Variants in TLE4 observed in about 807,000 individuals in gnomAD.
TLE4 encodes transducin-like enhancer protein 4.
A neutral mutation model predicts 92.8 loss-of-function variants in TLE4; 8 were observed. That is an observed-to-expected ratio of 0.09 (90% CI 0.05 to 0.16). TLE4 has a LOEUF of 0.16. TLE4 is among the 10% of genes least tolerant of loss of function. The pLI is 1.00. For missense variants in TLE4, 675 were observed against 997.6 expected (o/e 0.68, Z 4.36); for synonymous variants, 371 against 374.1 (o/e 0.99, Z 0.10).
chr9:79,676,474 C>T (rs574177426), intron 8 of TLE4, among the ~76,000 whole-genome samples: 158 of 152,132 alleles, frequency 1.0e-3, no homozygotes, highest in Admixed American at 4.3e-3. Flanking sequence ...GTGACTGCCA[C>T]CCAACTAAGG....
At chr9:79,620,709 G>C (rs1161072746) in intron 5 of TLE4, among the ~76,000 whole-genome samples, 1 of 152,160 alleles carries the variant, frequency 6.6e-6, no homozygotes, top group Non-Finnish European at 1.5e-5. Context: ...GTGTTGGGCT[G>C]TTCTTGCATT....
At chr9:79,630,021 A>T (rs1307886249) in intron 6 of TLE4, among the ~76,000 whole-genome samples, 1 of 152,092 alleles carries the variant, frequency 6.6e-6, no homozygotes, top group Non-Finnish European at 1.5e-5. Flanking sequence ...GTCAGCAGTG[A>T]TTTTCTGCAC....
chr9:79,695,574 G>A (rs1383602719), intron 8 of TLE4, among the ~76,000 whole-genome samples: 2 of 152,162 alleles, frequency 1.3e-5, no homozygotes, highest in African/African-American at 4.8e-5. Context: ...AAACACCGAA[G>A]TACTGGATTT....
chr9:79,607,268 A>G (rs1463615170), intron 4 of TLE4, among the ~76,000 whole-genome samples: 1 of 152,108 alleles, frequency 6.6e-6, no homozygotes, highest in Non-Finnish European at 1.5e-5. Context: ...GATTCTGGAT[A>G]TTAGCCTTTT....
intron 8 of TLE4, among the ~76,000 whole-genome samples, chr9:79,676,771 A>T (rs892960661): frequency 2.6e-5 from 4 of 152,084 alleles, no homozygotes; most frequent in Non-Finnish European, 5.9e-5. Context: ...CTGATGTATG[A>T]TGGACCCTAT....
In TLE4 at chr9:79,719,266, C is replaced by T. The variant is rs75415005; in HGVS notation, c.1590+295C>T. Among the ~76,000 whole-genome samples, 1,489 of 152,120 alleles carry T rather than the reference C, an allele frequency of 9.8e-3. 31 individuals are homozygous for T. The highest frequency in any genetic ancestry group is 0.034 in the African/African-American group (1,400 of 41,480). On this transcript the variant is annotated intron_variant, in intron 15 of 19. Coordinates refer to ENST00000376552, the MANE Select transcript of TLE4 (RefSeq NM_007005.6). ...TGGTTAAGCAAACTAAGAGCCCATA[C>T]AGTGACTATGAGTGTGCACCTAAAT...
chr9:79,683,452 A>G (rs1410291095), intron 8 of TLE4, among the ~76,000 whole-genome samples: 1 of 152,196 alleles, frequency 6.6e-6, no homozygotes, highest in Non-Finnish European at 1.5e-5. Context: ...AAGAGTTTAC[A>G]TGGTACCTAT....
At chr9:79,573,941 C>T in intron 2 of TLE4, 155 bp downstream of exon 2, 1 of 435,630 alleles carries the variant, frequency 2.3e-6, no homozygotes, top group Non-Finnish European at 4.1e-6. Context: ...TCAAGGCCTC[C>T]TTCCTTAGGC....
Position 79,624,687 on chromosome 9 carries a change from C to T in TLE4, c.316-2687C>T, listed in dbSNP as rs537037008. ...AATGCACTTGATTTTAATGCCAGTG[C>T]GGAAAGATATCCCCTGCTGCCTAAG... On this transcript the variant is annotated intron_variant, in intron 5 of 19. Transcript: ENST00000376552. 1.3e-4 allele frequency among the ~76,000 whole-genome samples: 20 copies of T among 152,226 alleles called. No homozygotes were observed. In the South Asian group the frequency reaches 3.1e-3, roughly 24 times the overall value.
chr9:79,653,929 TC>T (rs1482101452), intron 7 of TLE4, 129 bp from the exon 8 acceptor site: 17 of 1,036,138 alleles, frequency 1.6e-5, no homozygotes, highest in Non-Finnish European at 2.4e-5. Context: ...ACAGTTGACA[TC>T]TGTGTAATTT....
chr9:79,647,194 A>G (rs1311791802), intron 6 of TLE4, among the ~76,000 whole-genome samples: 1 of 152,150 alleles, frequency 6.6e-6, no homozygotes, highest in Non-Finnish European at 1.5e-5. Flanking sequence ...AGTTTTGATA[A>G]ATTTTATGGT....
intron 4 of TLE4, among the ~76,000 whole-genome samples, chr9:79,606,579 A>ATGTGTTC (rs2047042636): frequency 6.6e-6 from 1 of 151,434 alleles, no homozygotes; most frequent in Non-Finnish European, 1.5e-5. Flanking sequence ...CCCTGTGTCC[A>ATGTGTTC]TGTGTTCTCA....
At chr9:79,704,413 C>G (rs1165580692) in intron 8 of TLE4, among the ~76,000 whole-genome samples, 1 of 152,148 alleles carries the variant, frequency 6.6e-6, no homozygotes, top group Non-Finnish European at 1.5e-5. Flanking sequence ...ATGCCCAGCC[C>G]CTTTCCCAAG....
intron 8 of TLE4, among the ~76,000 whole-genome samples, chr9:79,664,874 C>T (rs1036258278): frequency 1.3e-5 from 2 of 152,114 alleles, no homozygotes; most frequent in Admixed American, 1.3e-4. Context: ...TTCCTTTTTT[C>T]TCTTTGTGCC....
chr9:79,649,840 C>T (rs761423659), intron 6 of TLE4: 10 of 1,365,710 alleles, frequency 7.3e-6, no homozygotes, highest in Admixed American at 1.9e-5. Flanking sequence ...ATAAAAGTGA[C>T]ACACCTGGAT....
chr9:79,686,559 C>T (rs781073675), intron 8 of TLE4, among the ~76,000 whole-genome samples: 6 of 151,950 alleles, frequency 3.9e-5, no homozygotes, highest in African/African-American at 1.2e-4. Flanking sequence ...AGAGGTTTGA[C>T]GATACAGAGG....
At chr9:79,639,618 C>T (rs1327859466) in intron 6 of TLE4, among the ~76,000 whole-genome samples, 2 of 152,052 alleles carry the variant, frequency 1.3e-5, no homozygotes, top group East Asian at 3.9e-4. Context: ...ATAGGTGTAC[C>T]ATTTTTTATC....
intron 8 of TLE4, among the ~76,000 whole-genome samples, chr9:79,685,436 A>G (rs1373134500): frequency 1.3e-5 from 2 of 152,206 alleles, no homozygotes; most frequent in African/African-American, 4.8e-5. Flanking sequence ...GATCAATTTC[A>G]GCATTAAAAT....
rs377312409 is a variant in TLE4 at position 79,706,782 on chromosome 9, C to G, written c.819C>G (p.Ser273=). 1.4e-5 allele frequency: 23 copies of G among 1,613,964 alleles called. No homozygotes were observed. The highest frequency in any genetic ancestry group is 1.8e-5 in the Non-Finnish European group (21 of 1,180,012). Residue 273 remains serine (S), a synonymous_variant, in exon 11 of 20, where the codon TCC becomes TCG. Transcript: ENST00000376552. ...CCCCTCGAGGGAGCCCAGCACATTC[C>G]CCCAGAGAGAATGGCCTAGACAAGA... The part of the protein sequence containing the change: ...PSSPRGSPAH[S]PRENGLDKTR...
Sources: gnomAD v4.1 joint callset for allele counts (sites outside exome capture counted in the v4.1 genomes callset) on GRCh38, gnomAD v4.1.1 for gene constraint, MANE v1.5 for transcripts, NCBI Gene and HGNC (gene_info 2026-07-23, HGNC 2026-07-21) for gene names.